APBA1: variants seen among roughly 807,000 people sequenced by gnomAD.
APBA1 encodes the protein amyloid-beta A4 precursor protein-binding family A member 1.
Under a neutral mutation model 86.6 loss-of-function variants are expected in APBA1, and 55 were observed. The ratio of observed to expected loss-of-function variants is 0.64; its 90% CI spans 0.51 to 0.80. APBA1 has a LOEUF of 0.80. APBA1 is among the 30% of genes least tolerant of loss of function. APBA1 has a pLI of 0.00. For missense variants in APBA1, 1,090 were observed against 1,183.0 expected, an observed-to-expected ratio of 0.92 and a Z score of 1.15; for synonymous variants, 511 against 493.9, an observed-to-expected ratio of 1.03 and a Z score of -0.46.
chr9:69,520,114 A>G (rs1329804950), intron 1 of APBA1, among the ~76,000 whole-genome samples: 1 of 152,214 alleles, frequency 6.6e-6, no homozygotes, highest in Non-Finnish European at 1.5e-5. Flanking sequence ...TGGTATTGCA[A>G]CATGTTAATG....
intron 1 of APBA1, among the ~76,000 whole-genome samples, chr9:69,588,250 T>C (rs1325787317): frequency 2.0e-5 from 3 of 152,008 alleles, no homozygotes; most frequent in African/African-American, 7.2e-5. Flanking sequence ...GGTTGGCATA[T>C]TGGAGAAACA....
chr9:69,579,823 A>G (rs1821881350), intron 1 of APBA1, among the ~76,000 whole-genome samples: 1 of 152,210 alleles, frequency 6.6e-6, no homozygotes, highest in South Asian at 2.1e-4. Flanking sequence ...AGAAAAGCCA[A>G]TTTGGAAATA....
chr9:69,540,587 T>A (rs1279195109), intron 1 of APBA1, among the ~76,000 whole-genome samples: 1 of 152,120 alleles, frequency 6.6e-6, no homozygotes, highest in Non-Finnish European at 1.5e-5. Flanking sequence ...TAGGTACATT[T>A]GACTATTTTA....
chr9:69,659,183 C>T (rs1273387407), intron 1 of APBA1, among the ~76,000 whole-genome samples: 1 of 152,120 alleles, frequency 6.6e-6, no homozygotes, highest in South Asian at 2.1e-4. Flanking sequence ...GTGTCACAGT[C>T]CTACATATGA....
intron 1 of APBA1, among the ~76,000 whole-genome samples, chr9:69,596,461 T>C (rs1740872036): frequency 1.3e-5 from 2 of 152,178 alleles, no homozygotes; most frequent in African/African-American, 4.8e-5. Context: ...ATGAACAAGA[T>C]ATATGTTTGT....
At chr9:69,474,441 C>T (rs1017971491) in intron 3 of APBA1, 1 of 152,242 alleles carries the variant, frequency 6.6e-6, no homozygotes, top group African/African-American at 2.4e-5. Flanking sequence ...TTAAATGAGA[C>T]ACTATCTGTG....
intron 1 of APBA1, among the ~76,000 whole-genome samples, chr9:69,575,181 G>A (rs1299567186): frequency 6.6e-6 from 1 of 152,104 alleles, no homozygotes; most frequent in Non-Finnish European, 1.5e-5. Flanking sequence ...GCCTCCCAAA[G>A]TACTGGGATT....
At chr9:69,614,167 T>A (rs1037237246) in intron 1 of APBA1, among the ~76,000 whole-genome samples, 1 of 152,222 alleles carries the variant, frequency 6.6e-6, no homozygotes, top group African/African-American at 2.4e-5. Flanking sequence ...TATTATTTCA[T>A]GGTGACCTGT....
intron 1 of APBA1, among the ~76,000 whole-genome samples, chr9:69,552,612 T>C (rs1334205472): frequency 6.6e-6 from 1 of 152,258 alleles, no homozygotes; most frequent in African/African-American, 2.4e-5. Flanking sequence ...ACAGATACGC[T>C]GTCTAGCATT....
intron 1 of APBA1, among the ~76,000 whole-genome samples, chr9:69,532,433 G>T (rs1393059960): frequency 6.6e-6 from 1 of 152,184 alleles, no homozygotes; most frequent in East Asian, 1.9e-4. Context: ...AACCTGACTG[G>T]CATGGGAGGT....
chr9:69,627,504 C>T (rs979760426), intron 1 of APBA1, among the ~76,000 whole-genome samples: 3 of 149,422 alleles, frequency 2.0e-5, no homozygotes, highest in African/African-American at 7.4e-5. Context: ...CCCACCCTGA[C>T]TGTAGGACTC....
intron 9 of APBA1, among the ~76,000 whole-genome samples, chr9:69,450,008 G>A (rs568520270): frequency 4.8e-4 from 70 of 145,852 alleles, no homozygotes; most frequent in African/African-American, 1.8e-3. Flanking sequence ...TAATTCACTC[G>A]TTTCACATAA....
intron 6 of APBA1, 28 bp from the exon 7 acceptor site, chr9:69,457,167 A>G: frequency 6.3e-7 from 1 of 1,584,446 alleles, no homozygotes; most frequent in Non-Finnish European, 8.7e-7. Flanking sequence ...ACCAAGAGAA[A>G]GTTTGACCAC....
At chr9:69,517,564 C>T (rs1683830819) in intron 1 of APBA1, among the ~76,000 whole-genome samples, 2 of 152,210 alleles carry the variant, frequency 1.3e-5, no homozygotes, top group South Asian at 2.1e-4. Context: ...CGATTCAGGT[C>T]CCATTTCTGA....
chr9:69,599,795 G>A (rs1372529138), intron 1 of APBA1, among the ~76,000 whole-genome samples: 2 of 152,314 alleles, frequency 1.3e-5, no homozygotes, highest in East Asian at 1.9e-4. Context: ...ACTAAAGTGT[G>A]AGAACCACTA....
At chr9:69,544,049 G>A (rs145013002) in intron 1 of APBA1, among the ~76,000 whole-genome samples, 1 of 152,206 alleles carries the variant, frequency 6.6e-6, no homozygotes, top group East Asian at 1.9e-4. Flanking sequence ...TTTATAAAGT[G>A]TGGAGTGCTC....
intron 1 of APBA1, among the ~76,000 whole-genome samples, chr9:69,539,619 T>C (rs1175061158): frequency 1.3e-5 from 2 of 152,214 alleles, no homozygotes; most frequent in Non-Finnish European, 2.9e-5. Flanking sequence ...TCTCCTTGAA[T>C]GATTTCTCAT....
At chr9:69,526,764 T>A (rs919660589) in intron 1 of APBA1, among the ~76,000 whole-genome samples, 10 of 152,112 alleles carry the variant, frequency 6.6e-5, no homozygotes, top group Non-Finnish European at 2.9e-5. Context: ...AAAAGGCACA[T>A]GCACTTGTAT....
chr9:69,515,730 A>G lies in APBA1; in HGVS notation c.1200+281T>C, dbSNP rs185246204. On this transcript the variant is annotated intron_variant, in intron 2 of 12. Transcript: ENST00000265381. The stretch of plus-strand genomic sequence containing the variant: ...CGGGGGGTGGAGGGCGATGTACCCA[A>G]TAATGCATTTCTCACAAGGTCTCCA... Among the ~76,000 whole-genome samples the G allele has an allele frequency of 5.4e-4, 81 of 148,736 alleles. No individual in the cohort carries two copies. In the East Asian group the frequency reaches 0.016, roughly 30 times the overall value.
Sources: allele counts gnomAD v4.1 joint callset (sites outside exome capture counted in the v4.1 genomes callset), GRCh38; gene constraint gnomAD v4.1.1; transcripts MANE v1.5; gene names NCBI Gene and HGNC (gene_info 2026-07-23, HGNC 2026-07-21).